The following IQCM variants were observed in gnomAD, a reference collection of about 807,000 sequenced individuals.
The protein encoded by IQCM is IQ domain-containing protein M.
In IQCM, 45 loss-of-function variants were observed where a neutral mutation model predicts 57.6. The ratio of observed to expected loss-of-function variants is 0.78; its 90% confidence interval spans 0.62 to 1.00. The LOEUF (loss-of-function observed/expected upper bound fraction) is 1.00, where lower values mean the gene tolerates loss of function less well. IQCM is among the 50% of genes least tolerant of loss of function. The pLI, the probability that IQCM is intolerant of heterozygous loss-of-function variation, is 0.00. For missense variants in IQCM, 468 were observed against 511.6 expected, an observed-to-expected ratio of 0.91 and a Z score of 0.82; for synonymous variants, 148 against 158.9, an observed-to-expected ratio of 0.93 and a Z score of 0.51.
At chr4:149,414,709 A>C (rs770832719) in intron 13 of IQCM, among the ~76,000 whole-genome samples, 4 of 152,046 alleles carry the variant, frequency 2.6e-5, no homozygotes, top group African/African-American at 7.2e-5. Flanking sequence ...TAAGTAAAAA[A>C]ATTCAAAATT....
At chr4:149,772,720 G>T (rs907009157) in intron 2 of IQCM, among the ~76,000 whole-genome samples, 4 of 152,160 alleles carry the variant, frequency 2.6e-5, no homozygotes, top group Non-Finnish European at 5.9e-5. Context: ...TTTCTGTGCT[G>T]TCGTTCTTTT....
intron 9 of IQCM, among the ~76,000 whole-genome samples, chr4:149,579,415 A>G (rs560888480): frequency 6.6e-6 from 1 of 152,006 alleles, no homozygotes; most frequent in Admixed American, 6.6e-5. Flanking sequence ...GAGCCCAGCC[A>G]ACAGTAACTG....
chr4:149,721,441 G>T (rs1303985), intron 5 of IQCM, among the ~76,000 whole-genome samples: 61,949 of 151,766 alleles, frequency 0.41, 14,672 homozygotes, highest in African/African-American at 0.63. Flanking sequence ...TTTAGACCTC[G>T]CCCACCCTCC....
chr4:149,686,260 T>C, intron 6 of IQCM, 118 bp downstream of exon 6: 1 of 424,442 alleles, frequency 2.4e-6, no homozygotes, highest in East Asian at 3.6e-5. Flanking sequence ...AACAATAAAT[T>C]AGCTTCATGT....
intron 7 of IQCM, among the ~76,000 whole-genome samples, chr4:149,656,478 G>A (rs545961956): frequency 6.6e-6 from 1 of 152,186 alleles, no homozygotes; most frequent in South Asian, 2.1e-4. Context: ...ATGTAAATAG[G>A]CAAGCATCAT....
At chr4:149,435,270 A>T (rs963702099) in intron 12 of IQCM, among the ~76,000 whole-genome samples, 1 of 152,058 alleles carries the variant, frequency 6.6e-6, no homozygotes, top group African/African-American at 2.4e-5. Context: ...TCTAATTCTT[A>T]ATGGGCTTTG....
At chr4:149,633,224 A>G (rs1028032930) in intron 7 of IQCM, among the ~76,000 whole-genome samples, 1 of 151,662 alleles carries the variant, frequency 6.6e-6, no homozygotes, top group Non-Finnish European at 1.5e-5. Flanking sequence ...AAGAAACAAG[A>G]ACAGTGAAAT....
At chr4:149,641,484 A>G (rs1758188228) in intron 7 of IQCM, among the ~76,000 whole-genome samples, 1 of 152,156 alleles carries the variant, frequency 6.6e-6, no homozygotes, top group Non-Finnish European at 1.5e-5. Context: ...ATTTGGGGCA[A>G]TTAAAGATCA....
intron 8 of IQCM, 91 bp downstream of exon 8, chr4:149,621,038 G>T: frequency 1.9e-6 from 1 of 517,706 alleles, no homozygotes; most frequent in Non-Finnish European, 3.0e-6. Flanking sequence ...CAGGTCCATA[G>T]TAAAATCTCA....
chr4:149,441,682 T>C (rs768110663), intron 12 of IQCM, among the ~76,000 whole-genome samples: 51 of 152,182 alleles, frequency 3.4e-4, no homozygotes, highest in Non-Finnish European at 1.3e-4. Flanking sequence ...ATTTAAATTT[T>C]TCAAAAATCC....
At chr4:149,605,190 C>G (rs1405115934) in intron 8 of IQCM, among the ~76,000 whole-genome samples, 1 of 152,126 alleles carries the variant, frequency 6.6e-6, no homozygotes, top group African/African-American at 2.4e-5. Context: ...TTCTACAGTA[C>G]AGAAAGAATG....
At chr4:149,788,478 A>G (rs868148892) in intron 2 of IQCM, among the ~76,000 whole-genome samples, 64 of 152,360 alleles carry the variant, frequency 4.2e-4, no homozygotes, top group African/African-American at 1.4e-3. Context: ...GCTACTGCAT[A>G]AAAAGACACA....
At chr4:149,539,379 G>C (rs1207144546) in intron 12 of IQCM, among the ~76,000 whole-genome samples, 1 of 152,106 alleles carries the variant, frequency 6.6e-6, no homozygotes, top group Non-Finnish European at 1.5e-5. Context: ...CGTTGTCTGG[G>C]GCTGGGGGTA....
intron 12 of IQCM, among the ~76,000 whole-genome samples, chr4:149,476,096 A>G (rs1306781499): frequency 6.6e-6 from 1 of 152,048 alleles, no homozygotes; most frequent in Non-Finnish European, 1.5e-5. Flanking sequence ...TTGGAGAGAG[A>G]GATGAAAATT....
At chr4:149,583,013 G>A (rs1752350274) in intron 9 of IQCM, among the ~76,000 whole-genome samples, 1 of 151,532 alleles carries the variant, frequency 6.6e-6, no homozygotes, top group African/African-American at 2.4e-5. Context: ...TCTGAAATGT[G>A]AATTTTATAC....
chr4:149,552,130 T>G (rs1749094656), intron 11 of IQCM, among the ~76,000 whole-genome samples: 1 of 152,212 alleles, frequency 6.6e-6, no homozygotes, highest in African/African-American at 2.4e-5. Context: ...AGAGTTCTGG[T>G]TATCTGCAAA....
chr4:149,794,295 CA>C (rs1300354579), intron 2 of IQCM, among the ~76,000 whole-genome samples: 1 of 152,200 alleles, frequency 6.6e-6, no homozygotes, highest in African/African-American at 2.4e-5. Flanking sequence ...CCATATGACA[CA>C]GGAGGAAAAG....
intron 7 of IQCM, among the ~76,000 whole-genome samples, chr4:149,624,179 T>C (rs1005960160): frequency 6.7e-6 from 1 of 150,220 alleles, no homozygotes; most frequent in Non-Finnish European, 1.5e-5. Context: ...TGCGCGCGCA[T>C]GCATGTGCTC....
intron 12 of IQCM, among the ~76,000 whole-genome samples, chr4:149,445,083 T>G (rs1196335770): frequency 1.3e-5 from 2 of 151,896 alleles, no homozygotes; most frequent in African/African-American, 2.4e-5. Context: ...CCTTTAACCC[T>G]GAAGCATGAT....
Sources: allele counts gnomAD v4.1 joint callset (sites outside exome capture counted in the v4.1 genomes callset), GRCh38; gene constraint gnomAD v4.1.1; transcripts MANE v1.5; gene names NCBI Gene and HGNC (gene_info 2026-07-23, HGNC 2026-07-21).